The following ERGIC1 variants were observed in gnomAD, a reference collection of about 807,000 sequenced individuals.
ERGIC1 encodes endoplasmic reticulum-golgi intermediate compartment 1.
In ERGIC1, 19 loss-of-function variants were observed where a neutral mutation model predicts 38.3. The ratio of observed to expected loss-of-function variants is 0.50; its 90% CI spans 0.35 to 0.73. The LOEUF is 0.73. ERGIC1 is among the 30% of genes least tolerant of loss of function. ERGIC1 has a pLI of 0.01. For missense variants in ERGIC1, 294 were observed against 389.2 expected (o/e 0.76, Z 2.06); for synonymous variants, 124 against 157.6 (o/e 0.79, Z 1.60).
chr5:172,901,523 T>C (rs1762875259), intron 3 of ERGIC1, among the ~76,000 whole-genome samples: 1 of 152,250 alleles, frequency 6.6e-6, no homozygotes, highest in Non-Finnish European at 1.5e-5. Context: ...ATATAACTCA[T>C]GGTACCTTCC....
chr5:172,906,340 C>A (rs1469237802), intron 3 of ERGIC1, among the ~76,000 whole-genome samples: 1 of 152,094 alleles, frequency 6.6e-6, no homozygotes, highest in Non-Finnish European at 1.5e-5. Flanking sequence ...CATGTGACTC[C>A]GGGGATGGGA....
intron 1 of ERGIC1, among the ~76,000 whole-genome samples, chr5:172,858,008 A>G (rs1488898024): frequency 6.6e-6 from 1 of 152,204 alleles, no homozygotes; most frequent in Non-Finnish European, 1.5e-5. Context: ...GGCTTCAGCA[A>G]TTAAACATCC....
At chr5:172,897,176 C>T in intron 3 of ERGIC1, 102 bp downstream of exon 3, 1 of 1,138,522 alleles carries the variant, frequency 8.8e-7, no homozygotes, top group Non-Finnish European at 1.3e-6. Context: ...CACCTGTAAT[C>T]CCAACACTTT....
In ERGIC1 at chr5:172,926,561, C is replaced by T. The variant is rs1763655846; in HGVS notation, c.533C>T (p.Thr178Ile). ...GCTCTCGGGGGAGCAGACAGACTCACCTCCAACCGTATGTATCCCTGCTGG... is the reference window on the plus strand; with the variant it reads ...GCTCTCGGGGGAGCAGACAGACTCATCTCCAACCGTATGTATCCCTGCTGG... ...FNALGGADRLTSNPLASHDYI... is the reference protein window; with the variant it reads ...FNALGGADRLISNPLASHDYI... Residue 178 changes from threonine to isoleucine, a missense_variant, in exon 7 of 10, where the codon ACC (threonine) becomes ATC (isoleucine). By Grantham distance (89) the Thr-to-Ile change is moderately conservative. Coordinates refer to ENST00000393784, the MANE Select transcript of ERGIC1 (RefSeq NM_001031711.3). The surrounding 1 kb of genome is among the most constrained non-coding windows in gnomAD (Gnocchi z 5.2). The T allele has an allele frequency of 1.2e-6, 2 of 1,612,506 alleles. No individual in the cohort carries two copies. Among genetic ancestry groups the T allele is most frequent in the Non-Finnish European group, 1.7e-6 (2 of 1,180,000 alleles).
rs1360016568 is a variant in ERGIC1 at position 172,926,015 on chromosome 5, CT to C, written c.481-493del. The stretch of plus-strand genomic sequence containing the variant: ...GGGGGCCCACAGCTCTGGGGCATCC[CT>C]GCCTGGACTCCTCTATGGGCCTTTC... On this transcript the variant is annotated intron_variant, in intron 6 of 9. Coordinates refer to ENST00000393784, the MANE Select transcript of ERGIC1 (RefSeq NM_001031711.3). This position sits in a 1 kb window ranked among gnomAD's most constrained non-coding sequence, Gnocchi z 5.2. 6.6e-6 allele frequency among the ~76,000 whole-genome samples: 1 copy of C among 152,204 alleles called. No homozygotes were observed. Among genetic ancestry groups the C allele is most frequent in the African/African-American group, 2.4e-5 (1 of 41,438 alleles).
At chr5:172,879,467 AC>A (rs1762228601) in intron 1 of ERGIC1, among the ~76,000 whole-genome samples, 1 of 152,202 alleles carries the variant, frequency 6.6e-6, no homozygotes, top group African/African-American at 2.4e-5. Flanking sequence ...TGGATTTGGC[AC>A]CTTTTTGATT....
intron 9 of ERGIC1, among the ~76,000 whole-genome samples, chr5:172,940,785 C>G (rs1445343772): frequency 1.3e-5 from 2 of 152,238 alleles, no homozygotes; most frequent in Non-Finnish European, 2.9e-5. Flanking sequence ...GAGCCTCACC[C>G]ACAGACGTTC....
intron 9 of ERGIC1, among the ~76,000 whole-genome samples, chr5:172,939,624 A>T (rs892442594): frequency 3.9e-5 from 6 of 152,202 alleles, no homozygotes; most frequent in Non-Finnish European, 5.9e-5. Flanking sequence ...ACCTCTGCTC[A>T]AGCGTGGGCT....
chr5:172,887,634 C>T (rs1429930726), intron 1 of ERGIC1, among the ~76,000 whole-genome samples: 4 of 152,190 alleles, frequency 2.6e-5, no homozygotes, highest in African/African-American at 9.7e-5. Flanking sequence ...AGAATTAAAC[C>T]TGTGTCTGTC....
chr5:172,906,938 C>T (rs1194023288), intron 3 of ERGIC1, among the ~76,000 whole-genome samples: 1 of 152,202 alleles, frequency 6.6e-6, no homozygotes, highest in Non-Finnish European at 1.5e-5. Context: ...TGGCACTCAG[C>T]ACCTCTCCCT....
chr5:172,891,519 A>T (rs1251790254), intron 2 of ERGIC1, among the ~76,000 whole-genome samples: 3 of 151,220 alleles, frequency 2.0e-5, no homozygotes, highest in East Asian at 3.9e-4. Flanking sequence ...GTTCACTGCA[A>T]CTTCTGCCTC....
At chr5:172,836,783 G>A (rs1761047494) in intron 1 of ERGIC1, among the ~76,000 whole-genome samples, 1 of 152,192 alleles carries the variant, frequency 6.6e-6, no homozygotes, top group Non-Finnish European at 1.5e-5. Context: ...GGGTGTGCGT[G>A]AACTGGCACG....
intron 1 of ERGIC1, among the ~76,000 whole-genome samples, chr5:172,841,819 C>A (rs1761168633): frequency 6.6e-6 from 1 of 152,158 alleles, no homozygotes; most frequent in African/African-American, 2.4e-5. Context: ...CAGACAGATA[C>A]AATGATTCAT....
chr5:172,860,229 G>A (rs145633275), intron 1 of ERGIC1, among the ~76,000 whole-genome samples: 2 of 152,328 alleles, frequency 1.3e-5, no homozygotes, highest in African/African-American at 4.8e-5. Flanking sequence ...CCCTGACGGG[G>A]AACTAGCAGA....
At chr5:172,914,884 G>T in intron 5 of ERGIC1, 46 bp downstream of exon 5, 4 of 1,612,670 alleles carry the variant, frequency 2.5e-6, no homozygotes, top group Non-Finnish European at 3.4e-6. Context: ...CCCCTTTCCT[G>T]CTGTCTCCCC....
In ERGIC1 at chr5:172,834,549, G is replaced by A; in HGVS notation, c.20+116G>A. On this transcript the variant is annotated intron_variant, in intron 1 of 9. Transcript: ENST00000393784. This position sits in a 1 kb window ranked among gnomAD's most constrained non-coding sequence, Gnocchi z 4.1. ...AAAAGCGGCTCCCCGCCCTGTGCAT[G>A]CCTCCGCAGGCCCCTAGGGACCCCA... is the stretch of plus-strand genomic sequence containing the variant. 5.8e-6 allele frequency: 6 copies of A among 1,028,992 alleles called. No homozygotes were observed. Among genetic ancestry groups the A allele is most frequent in the East Asian group, 3.5e-5 (1 of 28,298 alleles). 63.7% of individuals were successfully genotyped at this position (1,028,992 alleles called of 1,614,324 possible). A position where few individuals can be genotyped will look rare whatever the true frequency, so the allele number is the denominator to read the frequency against.
chr5:172,944,038 CAG>C (rs1764066659), intron 9 of ERGIC1, among the ~76,000 whole-genome samples: 1 of 152,220 alleles, frequency 6.6e-6, no homozygotes, highest in African/African-American at 2.4e-5. Flanking sequence ...CTGGTGGGAA[CAG>C]AGGGGCATTA....
intron 5 of ERGIC1, chr5:172,920,720 A>C: frequency 2.2e-6 from 1 of 462,680 alleles, no homozygotes; most frequent in Non-Finnish European, 4.0e-6. Flanking sequence ...AGCCTTCTTG[A>C]CTCACTTCAC....
At position 172,926,582 on chromosome 5, in the gene ERGIC1, G is replaced by T. The variant is rs1301887126; in HGVS notation, c.541+13G>T. Reference sequence around the variant, plus strand: ...CTCACCTCCAACCGTATGTATCCCTGCTGGGAACAGCCTTCTGCTCCAAGA... The same window carrying T: ...CTCACCTCCAACCGTATGTATCCCTTCTGGGAACAGCCTTCTGCTCCAAGA... On this transcript the variant is annotated intron_variant, in intron 7 of 9. Coordinates refer to ENST00000393784, the MANE Select transcript of ERGIC1 (RefSeq NM_001031711.3). The surrounding 1 kb of genome is among the most constrained non-coding windows in gnomAD (Gnocchi z 5.2). The T allele has an allele frequency of 1.2e-6, 2 of 1,611,096 alleles. No homozygotes were observed. Among genetic ancestry groups the T allele is most frequent in the East Asian group, 2.2e-5 (1 of 44,862 alleles).
Sources: gnomAD v4.1 joint callset for allele counts (sites outside exome capture counted in the v4.1 genomes callset) on GRCh38, gnomAD v4.1.1 for gene constraint, Gnocchi (gnomAD v3.1) non-coding constraint, MANE v1.5 for transcripts, NCBI Gene and HGNC (gene_info 2026-07-23, HGNC 2026-07-21) for gene names.